Variants in CEP112 observed in about 807,000 individuals in gnomAD.
CEP112 encodes the protein centrosomal protein 112.
A neutral mutation model predicts 153.0 loss-of-function variants in CEP112; 127 were observed. The ratio of observed to expected loss-of-function variants is 0.83; its 90% CI spans 0.72 to 0.96. The LOEUF is 0.96. Ranked by LOEUF, CEP112 falls within the 40% of genes least tolerant of loss-of-function variation. The pLI, the probability that CEP112 is intolerant of heterozygous loss-of-function variation, is 0.00. For synonymous variants in CEP112, 358 were observed against 374.4 expected (o/e 0.96, Z 0.51); for missense variants, 1,089 against 1,101.2 (o/e 0.99, Z 0.16).
chr17:66,149,589 C>T (rs1202563578), intron 4 of CEP112, among the ~76,000 whole-genome samples: 2 of 151,982 alleles, frequency 1.3e-5, no homozygotes, highest in Non-Finnish European at 2.9e-5. Context: ...GTTCATTTCA[C>T]CTAGGTTATC....
chr17:66,022,711 G>GGAAAAAAAA lies in CEP112; in HGVS notation c.1656+4789_1656+4790insTTTTTTTTC, dbSNP rs60618756. 1.7e-4 allele frequency among the ~76,000 whole-genome samples: 21 copies of GGAAAAAAAA among 126,882 alleles called. 1 individual carries two copies. The highest frequency in any genetic ancestry group is 2.5e-4 in the South Asian group (1 of 3,966). 83.2% of individuals were successfully genotyped at this position (126,882 alleles called of 152,430 possible). A position where few individuals can be genotyped will look rare whatever the true frequency, so the allele number is the denominator to read the frequency against. On this transcript the variant is annotated intron_variant, in intron 16 of 26. Transcript: ENST00000535342. Reference sequence around the variant, plus strand: ...ATGACAGAACGAGACTCCGCCTCAAGAAAAAAAAAAAAAAAAAGAAATGCC... The same window carrying GGAAAAAAAA: ...ATGACAGAACGAGACTCCGCCTCAAGGAAAAAAAAAAAAAAAAAAAAAAAAAGAAATGCC...
rs546746165 is a variant in CEP112 at position 65,795,726 on chromosome 17, C to T, written c.2395-45002G>A. On this transcript the variant is annotated intron_variant, in intron 21 of 26. Coordinates refer to ENST00000535342, the MANE Select transcript of CEP112 (RefSeq NM_001199165.4). ...ACTCAGGAGGCTGAGGCATAAGAAT[C>T]GCTTGAACCCAGGAGGCAGAGGTTG... Among the ~76,000 whole-genome samples, 112 of 152,190 alleles carry T rather than the reference C, an allele frequency of 7.4e-4. 1 individual carries two copies. Among genetic ancestry groups the T allele is most frequent in the African/African-American group, 2.5e-3 (103 of 41,516 alleles).
chr17:65,956,405 TACATAC>T (rs1173370604), intron 18 of CEP112, among the ~76,000 whole-genome samples: 5 of 144,964 alleles, frequency 3.4e-5, no homozygotes, highest in African/African-American at 5.2e-5. Context: ...TATACATACA[TACATAC>T]ACACACACAC....
intron 21 of CEP112, among the ~76,000 whole-genome samples, chr17:65,814,424 G>T (rs2056153862): frequency 2.0e-5 from 3 of 152,126 alleles, no homozygotes; most frequent in Non-Finnish European, 4.4e-5. Flanking sequence ...GTGTCAAACT[G>T]TTTGAATCTT....
chr17:65,767,455 T>C (rs1246099646), intron 21 of CEP112, among the ~76,000 whole-genome samples: 1 of 151,898 alleles, frequency 6.6e-6, no homozygotes, highest in Non-Finnish European at 1.5e-5. Flanking sequence ...CCAAATAGCC[T>C]AACATTAAGC....
intron 22 of CEP112, among the ~76,000 whole-genome samples, chr17:65,748,962 G>C (rs555393911): frequency 2.0e-5 from 3 of 152,144 alleles, no homozygotes; most frequent in Admixed American, 2.0e-4. Flanking sequence ...GAAATAAGCA[G>C]GATGTTAGGA....
Position 66,070,017 on chromosome 17 carries a change from T to C in CEP112, c.769-16A>G, listed in dbSNP as rs773657040. 1 of 1,475,034 alleles carries C rather than the reference T, an allele frequency of 6.8e-7. No homozygotes were observed. Among genetic ancestry groups the C allele is most frequent in the South Asian group, 1.2e-5 (1 of 85,652 alleles). The allele number at this position is 1,475,034 out of a possible 1,614,324, so 91.4% of individuals were successfully genotyped here. ...TCATGTCCAGCTTCAAGAAAAATATTTCAAGGGTGTTATTAATTTACTTTC... is the reference window on the plus strand; with the variant it reads ...TCATGTCCAGCTTCAAGAAAAATATCTCAAGGGTGTTATTAATTTACTTTC... On this transcript the variant is annotated splice_polypyrimidine_tract_variant and intron_variant, in intron 8 of 26. Coordinates refer to ENST00000535342, the MANE Select transcript of CEP112 (RefSeq NM_001199165.4).
At chr17:65,682,783 C>A (rs2047596324) in intron 24 of CEP112, among the ~76,000 whole-genome samples, 1 of 152,176 alleles carries the variant, frequency 6.6e-6, no homozygotes, top group Non-Finnish European at 1.5e-5. Context: ...TTCACTCTGC[C>A]CTCTAACTAG....
chr17:66,034,970 T>TGTGTGTGTGTGTGTG (rs1568411071), intron 12 of CEP112, among the ~76,000 whole-genome samples: 1 of 96,758 alleles, frequency 1.0e-5, no homozygotes. Flanking sequence ...AGCTAAGTTT[T>TGTGTGTGTGTGTGTG]TGCATGTATA....
intron 6 of CEP112, among the ~76,000 whole-genome samples, chr17:66,100,629 T>C (rs1447055740): frequency 6.6e-6 from 1 of 151,988 alleles, no homozygotes; most frequent in Non-Finnish European, 1.5e-5. Flanking sequence ...CAACTAAATA[T>C]TTTAAATTAT....
chr17:66,053,926 A>C, intron 11 of CEP112, 47 bp from the exon 12 acceptor site: 1 of 1,514,428 alleles, frequency 6.6e-7, no homozygotes. Flanking sequence ...TATGGAATTG[A>C]CTATTTTGTA....
chr17:65,906,335 T>C (rs988614322), intron 19 of CEP112, among the ~76,000 whole-genome samples: 3 of 151,890 alleles, frequency 2.0e-5, no homozygotes, highest in Non-Finnish European at 4.4e-5. Flanking sequence ...GGTTGATGGG[T>C]GCAGCAAACC....
In CEP112 at chr17:66,028,353, T is replaced by G; in HGVS notation, c.1556A>C (p.Gln519Pro). The change falls in exon 15 of 27, where the codon CAG (glutamine) becomes CCG (proline). Residue 519 changes from glutamine (Q) to proline (P), a missense_variant. Coordinates refer to ENST00000535342, the MANE Select transcript of CEP112 (RefSeq NM_001199165.4). ...TCTTTGAAGTTCTGATTCCTGTAAC[T>G]GCTGTTTTAATTGACAGACATTCTG... ...LEQNVCQLKQ[Q>P]LQESELQRKQ... The G allele has an allele frequency of 6.2e-7, 1 of 1,601,766 alleles. No homozygotes were observed. The highest frequency in any genetic ancestry group is 8.5e-7 in the Non-Finnish European group (1 of 1,173,098).
chr17:66,135,932 G>A (rs1390135035), intron 4 of CEP112, among the ~76,000 whole-genome samples: 2 of 152,108 alleles, frequency 1.3e-5, no homozygotes, highest in Non-Finnish European at 2.9e-5. Flanking sequence ...ACTTTAGGGG[G>A]TGACGTCAGA....
At chr17:65,905,636 A>T (rs951640000) in intron 19 of CEP112, among the ~76,000 whole-genome samples, 4 of 152,220 alleles carry the variant, frequency 2.6e-5, no homozygotes, top group Admixed American at 1.3e-4. Flanking sequence ...TCTACTATAA[A>T]GACACATGCA....
At chr17:65,910,963 CT>C (rs2060261798) in intron 19 of CEP112, among the ~76,000 whole-genome samples, 1 of 152,132 alleles carries the variant, frequency 6.6e-6, no homozygotes. Flanking sequence ...ACCAGAGAAG[CT>C]GTTTAAGACC....
chr17:65,891,957 C>G (rs1000389268), intron 20 of CEP112, among the ~76,000 whole-genome samples: 12 of 152,200 alleles, frequency 7.9e-5, no homozygotes, highest in African/African-American at 2.9e-4. Context: ...TCATATCTCT[C>G]AATTTTAATT....
rs772335011 is a variant in CEP112 at position 65,902,122 on chromosome 17, C to A, written c.2163+30G>T. 1.2e-5 allele frequency: 19 copies of A among 1,542,444 alleles called. No individual in the cohort carries two copies. The African/African-American group carries it at 1.5e-4, about 12-fold the overall frequency. On this transcript the variant is annotated intron_variant, in intron 20 of 26. Transcript: ENST00000535342. Reference sequence around the variant, plus strand: ...GCTGATGACTTTTTAAAAACAGATACCCGTTTTATCAAATATTATTGATAA... The same window carrying A: ...GCTGATGACTTTTTAAAAACAGATAACCGTTTTATCAAATATTATTGATAA...
chr17:65,731,158 T>C (rs752403935), intron 23 of CEP112, among the ~76,000 whole-genome samples: 1 of 152,178 alleles, frequency 6.6e-6, no homozygotes, highest in Non-Finnish European at 1.5e-5. Context: ...TACAGCCTTT[T>C]GTGGGCATTG....
Sources: gnomAD v4.1 joint callset for allele counts (sites outside exome capture counted in the v4.1 genomes callset) on GRCh38, gnomAD v4.1.1 for gene constraint, MANE v1.5 for transcripts, NCBI Gene and HGNC (gene_info 2026-07-23, HGNC 2026-07-21) for gene names.